The following NME8 variants were observed in gnomAD, a reference collection of about 807,000 sequenced individuals.
NME8 encodes the protein NME/NM23 family member 8.
A neutral mutation model predicts 82.3 loss-of-function variants in NME8; 72 were observed. The ratio of observed to expected loss-of-function variants is 0.87; its 90% CI spans 0.72 to 1.06. NME8 has a LOEUF of 1.06. Among genes scored for constraint, NME8 ranks in the 50% least tolerant of loss-of-function variants. NME8 has a pLI of 0.00. For synonymous variants in NME8, 267 were observed against 228.5 expected (o/e 1.17, Z -1.52); for missense variants, 712 against 685.4 (o/e 1.04, Z -0.43).
chr7:37,897,141 T>G, intron 17 of NME8, 34 bp downstream of exon 17: 1 of 1,360,642 alleles, frequency 7.3e-7, no homozygotes, highest in African/African-American at 1.5e-5. Flanking sequence ...TTTATTTTAT[T>G]TGCTTGTTGC....
chr7:37,880,141 T>C (rs1321155297), intron 12 of NME8, among the ~76,000 whole-genome samples: 3 of 152,172 alleles, frequency 2.0e-5, no homozygotes, highest in African/African-American at 7.2e-5. Flanking sequence ...GCAAATATTT[T>C]CTCCAAGTTT....
chr7:37,880,778 T>A (rs1784932485), intron 12 of NME8, among the ~76,000 whole-genome samples: 1 of 147,192 alleles, frequency 6.8e-6, no homozygotes, highest in Non-Finnish European at 1.5e-5. Flanking sequence ...ATATGGAATA[T>A]CTCTCCATTT....
At chr7:37,862,007 C>G in intron 6 of NME8, 21 bp from the exon 7 acceptor site, 1 of 1,481,448 alleles carries the variant, frequency 6.8e-7, no homozygotes, top group Non-Finnish European at 9.4e-7. Flanking sequence ...AGTTCCCCTC[C>G]TGTTTTCATT....
At chr7:37,896,061 A>G (rs1013100515) in intron 16 of NME8, among the ~76,000 whole-genome samples, 1 of 152,200 alleles carries the variant, frequency 6.6e-6, no homozygotes, top group Non-Finnish European at 1.5e-5. Context: ...ACGTGTGTAT[A>G]AAATACGTAT....
rs369740934 is a variant in NME8 at position 37,899,888 on chromosome 7, C to T, written c.*16-356C>T. Reference sequence around the variant, plus strand: ...CGCCTTTACACTCCAGCCTGTCCATCGTGTTCAGAAGGAGCTGCACAATCT... The same window carrying T: ...CGCCTTTACACTCCAGCCTGTCCATTGTGTTCAGAAGGAGCTGCACAATCT... On this transcript the variant is annotated intron_variant, in intron 17 of 17. Coordinates refer to ENST00000199447, the MANE Select transcript of NME8 (RefSeq NM_016616.5). Among the ~76,000 whole-genome samples the T allele has an allele frequency of 4.1e-4, 62 of 152,238 alleles. No homozygotes were observed. The South Asian group carries it at 0.01, about 25-fold the overall frequency.
chr7:37,899,430 G>GA, intron 17 of NME8, among the ~76,000 whole-genome samples: 1 of 152,052 alleles, frequency 6.6e-6, no homozygotes, highest in Non-Finnish European at 1.5e-5. Flanking sequence ...TGAAGGAACA[G>GA]AAAACCAAAC....
In NME8 at chr7:37,886,698, G is replaced by C. The variant is rs190268224; in HGVS notation, c.1247+1446G>C. ...AGGGGTTGGGAGAATGCTCTGCATTGAGTAGAGTAAGTGCTCAGGATGACT... is the reference window on the plus strand; with the variant it reads ...AGGGGTTGGGAGAATGCTCTGCATTCAGTAGAGTAAGTGCTCAGGATGACT... On this transcript the variant is annotated intron_variant, in intron 14 of 17. Coordinates refer to ENST00000199447, the MANE Select transcript of NME8 (RefSeq NM_016616.5). Among the ~76,000 whole-genome samples the C allele has an allele frequency of 4.7e-4, 71 of 152,218 alleles. 1 individual carries two copies. The highest frequency in any genetic ancestry group is 8.5e-4 in the Non-Finnish European group (58 of 68,000).
At chr7:37,867,677 AAC>A (rs770591910) in intron 10 of NME8, 23 bp from the exon 11 acceptor site, 1 of 1,587,838 alleles carries the variant, frequency 6.3e-7, no homozygotes, top group Non-Finnish European at 8.6e-7. Context: ...GCCTGAAGGA[AAC>A]AGTTTATCAT....
chr7:37,898,159 T>C (rs1470175793), intron 17 of NME8, among the ~76,000 whole-genome samples: 1 of 152,064 alleles, frequency 6.6e-6, no homozygotes. Context: ...CTCACCAGCA[T>C]CTATTATTCC....
chr7:37,856,435 G>T (rs1442286984), intron 5 of NME8, among the ~76,000 whole-genome samples: 2 of 152,096 alleles, frequency 1.3e-5, no homozygotes, highest in Non-Finnish European at 2.9e-5. Flanking sequence ...GAGACTTCCA[G>T]CCTCCAGAAC....
At chr7:37,864,659 C>T (rs1236852256) in intron 9 of NME8, among the ~76,000 whole-genome samples, 2 of 152,166 alleles carry the variant, frequency 1.3e-5, no homozygotes, top group East Asian at 3.9e-4. Context: ...AATTATAGTT[C>T]TTATACTAGA....
intron 15 of NME8, among the ~76,000 whole-genome samples, chr7:37,893,163 C>T (rs1211515346): frequency 6.6e-6 from 1 of 152,056 alleles, no homozygotes; most frequent in African/African-American, 2.4e-5. Flanking sequence ...TGAACGTTAA[C>T]CTGAGCCACT....
intron 15 of NME8, among the ~76,000 whole-genome samples, chr7:37,888,903 T>A (rs2131970989): frequency 6.6e-6 from 1 of 152,070 alleles, no homozygotes; most frequent in East Asian, 1.9e-4. Context: ...GAGATTGATC[T>A]CTGCTTTCCA....
chr7:37,888,882 G>A (rs1270213506), intron 15 of NME8, among the ~76,000 whole-genome samples: 2 of 151,390 alleles, frequency 1.3e-5, no homozygotes, highest in African/African-American at 4.9e-5. Flanking sequence ...TTCGTATTGA[G>A]ACTTAAAAGT....
At chr7:37,879,653 T>C (rs1784911919) in intron 12 of NME8, among the ~76,000 whole-genome samples, 1 of 152,168 alleles carries the variant, frequency 6.6e-6, no homozygotes, top group African/African-American at 2.4e-5. Context: ...AAAATTGCTG[T>C]AGGTGTTCAT....
At chr7:37,875,554 C>A (rs1358931880) in intron 11 of NME8, among the ~76,000 whole-genome samples, 1 of 151,062 alleles carries the variant, frequency 6.6e-6, no homozygotes, top group Admixed American at 6.6e-5. Context: ...CCTAGTCTTG[C>A]AACTTTTCTA....
At chr7:37,859,138 T>C (rs1206733403) in intron 6 of NME8, among the ~76,000 whole-genome samples, 2 of 152,274 alleles carry the variant, frequency 1.3e-5, no homozygotes, top group East Asian at 3.9e-4. Context: ...GTGTACTCCT[T>C]GATAACAACA....
In NME8 at chr7:37,848,972, C is replaced by T. The variant is rs921397; in HGVS notation, c.-92C>T. ...GAGGTCACCGCTCAAACGGCCACAA[C>T]GAGGGAGCCGATTTAGATCCTCTGG... On this transcript the variant is annotated 5_prime_UTR_variant, in exon 2 of 18. In the 5' UTR this introduces an upstream ATG that the reference lacks. Coordinates refer to ENST00000199447, the MANE Select transcript of NME8 (RefSeq NM_016616.5). The T allele has an allele frequency of 0.063, 9,584 of 152,346 alleles. 455 individuals carry two copies. The highest frequency in any genetic ancestry group is 0.15 in the Admixed American group (2,313 of 15,292). 9.4% of individuals were successfully genotyped at this position (152,346 alleles called of 1,614,324 possible).
chr7:37,855,416 T>G (rs1340900280), intron 5 of NME8, among the ~76,000 whole-genome samples: 1 of 152,140 alleles, frequency 6.6e-6, no homozygotes, highest in African/African-American at 2.4e-5. Context: ...CCAACTGCAA[T>G]GCATAAAATG....
Sources: gnomAD v4.1 joint callset for allele counts (sites outside exome capture counted in the v4.1 genomes callset) on GRCh38, gnomAD v4.1.1 for gene constraint, MANE v1.5 for transcripts, NCBI Gene and HGNC (gene_info 2026-07-23, HGNC 2026-07-21) for gene names.